The following GAD2 variants were observed in gnomAD, a reference collection of about 807,000 sequenced individuals.
GAD2 encodes the protein 65 kDa glutamic acid decarboxylase.
In GAD2, 22 loss-of-function variants were observed where a neutral mutation model predicts 80.1. That is an observed-to-expected ratio of 0.27 (90% CI 0.20 to 0.39). The LOEUF (loss-of-function observed/expected upper bound fraction) is 0.39. Among genes scored for constraint, GAD2 ranks in the 10% least tolerant of loss-of-function variants. GAD2 has a pLI of 1.00. For missense variants in GAD2, 624 were observed against 738.4 expected, an observed-to-expected ratio of 0.85 and a Z score of 1.80; for synonymous variants, 274 against 256.9, an observed-to-expected ratio of 1.07 and a Z score of -0.64.
intron 7 of GAD2, among the ~76,000 whole-genome samples, chr10:26,236,294 TC>T (rs1251359237): frequency 7.1e-6 from 1 of 140,250 alleles, no homozygotes; most frequent in East Asian, 2.1e-4. Context: ...GACTTTCTTT[TC>T]TTTTTTCTTT....
At chr10:26,237,825 T>G (rs370398665) in intron 7 of GAD2, among the ~76,000 whole-genome samples, 21 of 152,056 alleles carry the variant, frequency 1.4e-4, no homozygotes, top group African/African-American at 5.1e-4. Context: ...CTGGCCAACA[T>G]GGTGAGACCC....
At chr10:26,252,982 A>G (rs1311783597) in intron 8 of GAD2, among the ~76,000 whole-genome samples, 4 of 152,172 alleles carry the variant, frequency 2.6e-5, no homozygotes, top group Non-Finnish European at 5.9e-5. Context: ...TAGCAGTCAC[A>G]GGGGCTAACT....
Position 26,217,945 on chromosome 10 carries a change from C to T in GAD2, c.240C>T (p.Cys80=), listed in dbSNP as rs568124743. 1 of 1,612,036 alleles carries T rather than the reference C, an allele frequency of 6.2e-7. No homozygotes were observed. Among genetic ancestry groups the T allele is most frequent in the East Asian group, 2.2e-5 (1 of 44,824 alleles). ...CCTGCGCCTGCGACCAGAAGCCCTGCAGCTGCTCCAAAGTGGATGTCAACT... is the reference window on the plus strand; with the variant it reads ...CCTGCGCCTGCGACCAGAAGCCCTGTAGCTGCTCCAAAGTGGATGTCAACT... The part of the protein sequence containing the change: ...KAACACDQKP[C]SCSKVDVNYA... The change falls in exon 3 of 16, where the codon TGC becomes TGT. Residue 80 remains cysteine, a synonymous_variant. Transcript: ENST00000376261. This position sits in a 1 kb window ranked among gnomAD's most constrained non-coding sequence, Gnocchi z 4.9.
intron 15 of GAD2, among the ~76,000 whole-genome samples, chr10:26,300,164 G>T (rs775731773): frequency 2.6e-5 from 4 of 152,114 alleles, no homozygotes; most frequent in Admixed American, 1.3e-4. Context: ...GTATAATCTC[G>T]TCTGTGGTAT....
At chr10:26,273,166 T>G (rs1403598944) in intron 10 of GAD2, among the ~76,000 whole-genome samples, 1 of 152,226 alleles carries the variant, frequency 6.6e-6, no homozygotes, top group Non-Finnish European at 1.5e-5. Flanking sequence ...ACACAGAAAT[T>G]ATCCAAAATC....
intron 11 of GAD2, among the ~76,000 whole-genome samples, chr10:26,275,037 T>A (rs1845182669): frequency 6.6e-6 from 1 of 152,242 alleles, no homozygotes; most frequent in Admixed American, 6.5e-5. Flanking sequence ...GCCTCTGCTC[T>A]TGGACCCTTG....
At chr10:26,224,983 G>GA (rs142531202) in intron 6 of GAD2, among the ~76,000 whole-genome samples, 2 of 152,298 alleles carry the variant, frequency 1.3e-5, no homozygotes, top group East Asian at 3.9e-4. Flanking sequence ...TTCACTCTCT[G>GA]ATGCTCTTCC....
intron 6 of GAD2, among the ~76,000 whole-genome samples, chr10:26,225,100 T>C (rs914525498): frequency 1.3e-5 from 2 of 152,228 alleles, no homozygotes. Context: ...CCACTCTGTC[T>C]TTGAAATAAC....
chr10:26,240,401 T>C (rs1053640195), intron 7 of GAD2, among the ~76,000 whole-genome samples: 4 of 152,172 alleles, frequency 2.6e-5, no homozygotes, highest in Non-Finnish European at 5.9e-5. Flanking sequence ...CCTTATTTAT[T>C]TGTGCATGTT....
intron 7 of GAD2, among the ~76,000 whole-genome samples, chr10:26,231,685 G>A (rs963048784): frequency 1.3e-5 from 2 of 152,156 alleles, no homozygotes; most frequent in African/African-American, 4.8e-5. Context: ...TTACCTTATA[G>A]TTCTGGGGGT....
intron 12 of GAD2, among the ~76,000 whole-genome samples, chr10:26,284,916 A>G (rs1049004621): frequency 4.6e-5 from 7 of 151,954 alleles, no homozygotes; most frequent in East Asian, 1.9e-4. Context: ...TTTCTTTATC[A>G]CAGTAGGAAT....
At chr10:26,248,880 C>A (rs12254792) in intron 8 of GAD2, among the ~76,000 whole-genome samples, 225 of 152,124 alleles carry the variant, frequency 1.5e-3, no homozygotes, top group Non-Finnish European at 1.8e-3. Flanking sequence ...CTGGATAGGT[C>A]TGGAAACAAG....
intron 15 of GAD2, among the ~76,000 whole-genome samples, chr10:26,296,499 C>G (rs1451862541): frequency 6.6e-6 from 1 of 152,162 alleles, no homozygotes; most frequent in Non-Finnish European, 1.5e-5. Context: ...GTGCTTCCTG[C>G]TGCTCTGTCA....
In GAD2 at chr10:26,282,975, C is replaced by A. The variant is rs557421872; in HGVS notation, c.1236+1888C>A. Among the ~76,000 whole-genome samples the A allele has an allele frequency of 6.6e-5, 10 of 152,286 alleles. No homozygotes were observed. The South Asian group carries it at 2.1e-3, about 32-fold the overall frequency. On this transcript the variant is annotated intron_variant, in intron 12 of 15. Transcript: ENST00000376261. The stretch of plus-strand genomic sequence containing the variant: ...GCCCCAGCTCATGCAGGGCATGAGA[C>A]CTCAACTATAATTACTTCAAAGGAG...
chr10:26,233,402 C>T (rs1363324811), intron 7 of GAD2, among the ~76,000 whole-genome samples: 6 of 152,158 alleles, frequency 3.9e-5, no homozygotes, highest in African/African-American at 9.7e-5. Flanking sequence ...CTCATCATCT[C>T]GTAGGGTTGG....
At chr10:26,295,972 G>A (rs763311735) in intron 15 of GAD2, among the ~76,000 whole-genome samples, 1 of 152,194 alleles carries the variant, frequency 6.6e-6, no homozygotes, top group Non-Finnish European at 1.5e-5. Context: ...TTGTATCTTA[G>A]CGTGGTTGAG....
intron 13 of GAD2, among the ~76,000 whole-genome samples, chr10:26,288,960 A>T (rs1185248938): frequency 6.6e-6 from 1 of 152,210 alleles, no homozygotes; most frequent in East Asian, 1.9e-4. Context: ...GGGGATGAAA[A>T]GAGCAAATCA....
chr10:26,229,301 C>A (rs1272156100), intron 6 of GAD2, among the ~76,000 whole-genome samples: 1 of 151,526 alleles, frequency 6.6e-6, no homozygotes, highest in Non-Finnish European at 1.5e-5. Context: ...AAAAAGCTTT[C>A]TCCATCCAGA....
At chr10:26,292,363 C>T (rs1834225119) in intron 13 of GAD2, 102 bp from the exon 14 acceptor site, 8 of 816,666 alleles carry the variant, frequency 9.8e-6, no homozygotes, top group East Asian at 2.5e-5. Flanking sequence ...AAGTGCCAGA[C>T]GGGGCTAAGA....
Sources: gnomAD v4.1 joint callset for allele counts (sites outside exome capture counted in the v4.1 genomes callset) on GRCh38, gnomAD v4.1.1 for gene constraint, Gnocchi (gnomAD v3.1) non-coding constraint, MANE v1.5 for transcripts, NCBI Gene and HGNC (gene_info 2026-07-23, HGNC 2026-07-21) for gene names.